Variants in SLC71A2 observed in about 807,000 individuals in gnomAD.
SLC71A2 encodes solute carrier family 71 member 2.
chr9:94,445,072 C>T, the SLC71A2 span: 274 of 1,614,172 alleles, frequency 1.7e-4, no homozygotes, highest in African/African-American at 3.4e-3. Context: ...AGTGGTGGCT[C>T]TTCTGGACAT....
chr9:94,429,414 A>G, the SLC71A2 span, among the ~76,000 whole-genome samples: 1 of 152,224 alleles, frequency 6.6e-6, no homozygotes, highest in Non-Finnish European at 1.5e-5. Flanking sequence ...TTAAAATACA[A>G]CACAAATACA....
the SLC71A2 span, among the ~76,000 whole-genome samples, chr9:94,429,713 A>G: frequency 1.3e-5 from 2 of 152,070 alleles, no homozygotes; most frequent in Non-Finnish European, 2.9e-5. Context: ...TTAATATGAT[A>G]TATATAAAAA....
At chr9:94,405,061 T>G in the SLC71A2 span, among the ~76,000 whole-genome samples, 1 of 152,184 alleles carries the variant, frequency 6.6e-6, no homozygotes, top group African/African-American at 2.4e-5. Context: ...TTAATGTGGA[T>G]ATCCAGTTTT....
the SLC71A2 span, among the ~76,000 whole-genome samples, chr9:94,402,975 TAG>T: frequency 6.6e-6 from 1 of 152,180 alleles, no homozygotes; most frequent in Non-Finnish European, 1.5e-5. Context: ...TATCTGTCTC[TAG>T]AATTTTTTCA....
At chr9:94,430,279 G>C in the SLC71A2 span, among the ~76,000 whole-genome samples, 3 of 150,198 alleles carry the variant, frequency 2.0e-5, no homozygotes, top group Admixed American at 2.0e-4. Context: ...CTGGAGTGCA[G>C]TGGTGTGATC....
At chr9:94,407,315 G>A in the SLC71A2 span, among the ~76,000 whole-genome samples, 1 of 151,726 alleles carries the variant, frequency 6.6e-6, no homozygotes, top group Admixed American at 6.6e-5. Flanking sequence ...TGTTGAATTT[G>A]GTTTGCTAAT....
chr9:94,445,511 C>T, the SLC71A2 span, among the ~76,000 whole-genome samples: 1 of 152,166 alleles, frequency 6.6e-6, no homozygotes, highest in African/African-American at 2.4e-5. Flanking sequence ...TGGTCATTTT[C>T]ACTCATTTTA....
the SLC71A2 span, among the ~76,000 whole-genome samples, chr9:94,457,246 G>GC: frequency 6.6e-6 from 1 of 152,064 alleles, no homozygotes; most frequent in Admixed American, 6.6e-5. Flanking sequence ...ACAGGTGTGA[G>GC]CCCCCATGCC....
the SLC71A2 span, chr9:94,438,413 T>C: frequency 4.3e-6 from 7 of 1,613,982 alleles, no homozygotes; most frequent in Non-Finnish European, 5.9e-6. Context: ...CCTGCTCTCT[T>C]TTTTGAGTGC....
the SLC71A2 span, among the ~76,000 whole-genome samples, chr9:94,435,289 TC>T: frequency 6.6e-6 from 1 of 152,164 alleles, no homozygotes; most frequent in African/African-American, 2.4e-5. Context: ...AATTTCAGTC[TC>T]CCATCACCAC....
chr9:94,424,884 C>T, the SLC71A2 span, among the ~76,000 whole-genome samples: 4 of 147,460 alleles, frequency 2.7e-5, no homozygotes, highest in Non-Finnish European at 3.0e-5. Flanking sequence ...GGACTACAGG[C>T]GTGTGCCACC....
At chr9:94,441,223 GT>G in the SLC71A2 span, 1 of 459,456 alleles carries the variant, frequency 2.2e-6, no homozygotes, top group Non-Finnish European at 3.8e-6. Flanking sequence ...CTGAGACTGG[GT>G]AATTTATAAA....
At chr9:94,454,527 C>T in the SLC71A2 span, among the ~76,000 whole-genome samples, 2 of 146,918 alleles carry the variant, frequency 1.4e-5, no homozygotes, top group Non-Finnish European at 1.5e-5. Context: ...ACCACACGCC[C>T]GGCTAATTTT....
At chr9:94,406,413 ATTG>A in the SLC71A2 span, among the ~76,000 whole-genome samples, 1 of 151,898 alleles carries the variant, frequency 6.6e-6, no homozygotes, top group Non-Finnish European at 1.5e-5. Flanking sequence ...CTAATTTTGT[ATTG>A]TTAGTAGAGA....
the SLC71A2 span, chr9:94,459,594 T>TC: frequency 1.8e-6 from 1 of 565,910 alleles, no homozygotes; most frequent in Non-Finnish European, 3.0e-6. Flanking sequence ...TCTCTTACAT[T>TC]CTTTTTTTTT....
At chr9:94,426,347 T>C in the SLC71A2 span, among the ~76,000 whole-genome samples, 1 of 152,094 alleles carries the variant, frequency 6.6e-6, no homozygotes, top group Non-Finnish European at 1.5e-5. Flanking sequence ...GACCTTTTAG[T>C]ACCCTTTCAT....
chr9:94,435,146 ACT>A, the SLC71A2 span, among the ~76,000 whole-genome samples: 2 of 151,982 alleles, frequency 1.3e-5, no homozygotes, highest in African/African-American at 4.8e-5. Flanking sequence ...CCCTCTTTTT[ACT>A]CTGTCACACT....
At chr9:94,460,380 CT>C in the SLC71A2 span, 2 of 152,600 alleles carry the variant, frequency 1.3e-5, no homozygotes, top group Non-Finnish European at 2.9e-5. Flanking sequence ...ACACTCCTGC[CT>C]TAACTGCTCT....
chr9:94,438,383 C>T, the SLC71A2 span: 11 of 1,614,094 alleles, frequency 6.8e-6, no homozygotes, highest in Non-Finnish European at 8.5e-6. Flanking sequence ...CTAACCTTTG[C>T]TTTGGTTTCC....
Sources: gnomAD v4.1 joint callset for allele counts (sites outside exome capture counted in the v4.1 genomes callset) on GRCh38, gnomAD v4.1.1 for gene constraint, MANE v1.5 for transcripts, NCBI Gene and HGNC (gene_info 2026-07-23, HGNC 2026-07-21) for gene names.